CCDC92: variants seen among roughly 807,000 people sequenced by gnomAD.
CCDC92 encodes coiled-coil domain containing 92, also known as coiled-coil domain-containing protein 92.
CCDC92 carries 12 observed loss-of-function variants against 24.9 expected under a neutral mutation model. The observed-to-expected ratio is 0.48, with a 90% confidence interval of 0.31 to 0.78. The LOEUF (loss-of-function observed/expected upper bound fraction) is 0.78. CCDC92 is among the 30% of genes least tolerant of loss of function. CCDC92 has a pLI of 0.05. For missense variants in CCDC92, 399 were observed against 439.4 expected, an observed-to-expected ratio of 0.91 and a Z score of 0.82; for synonymous variants, 193 against 196.3, an observed-to-expected ratio of 0.98 and a Z score of 0.14.
At chr12:123,954,140 CAT>C (rs1956095583) in intron 1 of CCDC92, among the ~76,000 whole-genome samples, 1 of 152,012 alleles carries the variant, frequency 6.6e-6, no homozygotes, top group South Asian at 2.1e-4. Context: ...AAAGTAGTAT[CAT>C]ATGTTTTAAT....
At chr12:123,940,652 T>C (rs960980699) in intron 4 of CCDC92, among the ~76,000 whole-genome samples, 14 of 152,324 alleles carry the variant, frequency 9.2e-5, no homozygotes, top group Non-Finnish European at 1.8e-4. Flanking sequence ...AGTCTTCCCA[T>C]GAAAGCTTGG....
intron 1 of CCDC92, among the ~76,000 whole-genome samples, chr12:123,971,193 A>G (rs2138251434): frequency 6.6e-6 from 1 of 152,372 alleles, no homozygotes; most frequent in African/African-American, 2.4e-5. Context: ...GGAGTAACAA[A>G]ACTATTTTAA....
At chr12:123,968,329 G>C (rs1956441125) in intron 1 of CCDC92, 1 of 152,160 alleles carries the variant, frequency 6.6e-6, no homozygotes, top group African/African-American at 2.4e-5. Context: ...ACTGTTTTCT[G>C]ATTAACAAAG....
chr12:123,963,304 C>T (rs1018367907), intron 1 of CCDC92, among the ~76,000 whole-genome samples: 1 of 152,208 alleles, frequency 6.6e-6, no homozygotes, highest in Non-Finnish European at 1.5e-5. Context: ...GTAAACGCAG[C>T]GTATGGCACT....
chr12:123,937,726 C>T lies in CCDC92; in HGVS notation c.328G>A (p.Glu110Lys). The change falls in exon 5 of 5, where the codon GAG becomes AAG. Residue 110 changes from glutamate to lysine, a missense_variant. Coordinates refer to ENST00000238156, the MANE Select transcript of CCDC92 (RefSeq NM_025140.3). The surrounding 1 kb of genome is among the most constrained non-coding windows in gnomAD (Gnocchi z 8.4). ...NENAELLKELEQKNAMITVLE... is the reference protein window; with the variant it reads ...NENAELLKELKQKNAMITVLE... Reference sequence around the variant, plus strand: ...ACTGTGATCATCGCGTTTTTCTGCTCCAGTTCTTTCAACAACTCAGCATTT... The same window carrying T: ...ACTGTGATCATCGCGTTTTTCTGCTTCAGTTCTTTCAACAACTCAGCATTT... 1 of 1,614,140 alleles carries T rather than the reference C, an allele frequency of 6.2e-7. No homozygotes were observed. The highest frequency in any genetic ancestry group is 1.1e-5 in the South Asian group (1 of 91,086).
Position 123,937,144 on chromosome 12 carries a change from G to T in CCDC92, c.910C>A (p.Gln304Lys). Residue 304 changes from glutamine to lysine, a missense_variant, in exon 5 of 5, where the codon CAG becomes AAG. Transcript: ENST00000238156. This position sits in a 1 kb window ranked among gnomAD's most constrained non-coding sequence, Gnocchi z 8.4. ...RIHHATPPQA[Q>K]PEVKTLAVDQ... is the part of the protein sequence containing the mutation. Reference sequence around the variant, plus strand: ...ACCGCCAGGGTCTTCACCTCGGGCTGGGCCTGCGGCGGGGTGGCGTGGTGG... The same window carrying T: ...ACCGCCAGGGTCTTCACCTCGGGCTTGGCCTGCGGCGGGGTGGCGTGGTGG... 1 of 1,612,944 alleles carries T rather than the reference G, an allele frequency of 6.2e-7. No homozygotes were observed.
chr12:123,969,499 T>TC (rs1956474504), intron 1 of CCDC92, among the ~76,000 whole-genome samples: 1 of 128,038 alleles, frequency 7.8e-6, no homozygotes, highest in African/African-American at 3.0e-5. Context: ...AGACGGAGTC[T>TC]CCATCTGTTG....
intron 4 of CCDC92, among the ~76,000 whole-genome samples, chr12:123,939,440 A>G (rs1474370731): frequency 1.3e-5 from 2 of 152,212 alleles, no homozygotes; most frequent in African/African-American, 4.8e-5. Flanking sequence ...GCATGGGGTC[A>G]TGTCCCGAAA....
intron 2 of CCDC92, 192 bp from the exon 3 acceptor site, chr12:123,943,685 C>T (rs1955760854): frequency 1.1e-5 from 7 of 639,434 alleles, no homozygotes; most frequent in East Asian, 2.7e-5. Flanking sequence ...AGGCCAGGGA[C>T]GGCAGCCTCT....
intron 4 of CCDC92, among the ~76,000 whole-genome samples, chr12:123,941,748 C>A (rs1955691958): frequency 6.6e-6 from 1 of 152,242 alleles, no homozygotes; most frequent in Admixed American, 6.5e-5. Context: ...ACTCTCCTGA[C>A]CCTCTCATGA....
At chr12:123,948,300 T>C (rs1955934698) in intron 1 of CCDC92, among the ~76,000 whole-genome samples, 1 of 152,238 alleles carries the variant, frequency 6.6e-6, no homozygotes, top group South Asian at 2.1e-4. Context: ...ATCTCTATCA[T>C]AGTGTGGTAT....
At position 123,943,686 on chromosome 12, in the gene CCDC92, G is replaced by A. The variant is rs1024597549; in HGVS notation, c.35-193C>T. The A allele has an allele frequency of 1.3e-4, 80 of 635,004 alleles. 2 individuals carry two copies. The highest frequency in any genetic ancestry group is 1.2e-3 in the South Asian group (62 of 51,862). The allele number at this position is 635,004 out of a possible 1,614,324, so 39.3% of individuals were successfully genotyped here. On this transcript the variant is annotated intron_variant, in intron 2 of 4. Coordinates refer to ENST00000238156, the MANE Select transcript of CCDC92 (RefSeq NM_025140.3). ...TGCAGGGAGGCCCCAGGCCAGGGAC[G>A]GCAGCCTCTGCTTCCCGAACGCCTT...
intron 1 of CCDC92, among the ~76,000 whole-genome samples, chr12:123,948,216 G>A (rs543740854): frequency 2.6e-5 from 4 of 152,362 alleles, no homozygotes; most frequent in South Asian, 4.1e-4. Flanking sequence ...GTGCCTATAT[G>A]TAGATGTCAG....
chr12:123,937,270 G>C lies in CCDC92; in HGVS notation c.784C>G (p.Pro262Ala), dbSNP rs1400014090. 1 of 1,612,096 alleles carries C rather than the reference G, an allele frequency of 6.2e-7. No individual in the cohort carries two copies. Among genetic ancestry groups the C allele is most frequent in the African/African-American group, 1.3e-5 (1 of 74,942 alleles). Residue 262 changes from proline (P) to alanine (A), a missense_variant, in exon 5 of 5, where the codon CCC becomes GCC. Coordinates refer to ENST00000238156, the MANE Select transcript of CCDC92 (RefSeq NM_025140.3). The surrounding 1 kb of genome is among the most constrained non-coding windows in gnomAD (Gnocchi z 8.4). ...GAGGCGATGGGGGGGATGACGAGGG[G>C]CCTCTCTTTGATGAGGTGGACCTCG... ...SAEVHLIKER[P>A]LVIPPIASDR...
chr12:123,957,995 G>A (rs149072212), intron 1 of CCDC92, among the ~76,000 whole-genome samples: 1 of 151,812 alleles, frequency 6.6e-6, no homozygotes, highest in East Asian at 1.9e-4. Context: ...CACCACTCTC[G>A]GCCTATTACT....
At position 123,972,692 on chromosome 12, in the gene CCDC92, T is replaced by C. The variant is rs1351902615; in HGVS notation, c.-223A>G. 6.2e-5 allele frequency: 9 copies of C among 144,702 alleles called. No individual in the cohort carries two copies. In the South Asian group the frequency reaches 1.9e-3, roughly 31 times the overall value. The allele number at this position is 144,702 out of a possible 1,614,324, so 9.0% of individuals were successfully genotyped here. A position where few individuals can be genotyped will look rare whatever the true frequency, so the allele number is the denominator to read the frequency against. On this transcript the variant is annotated 5_prime_UTR_variant, in exon 1 of 5. Transcript: ENST00000238156. ...GGGCCGGGCCGCCGAGGGAGGTCAG[T>C]GGGCACCGCCCGCCCGGCGCATCTC...
At chr12:123,966,440 CTTT>C (rs1956394848) in intron 1 of CCDC92, 1 of 152,194 alleles carries the variant, frequency 6.6e-6, no homozygotes, top group Non-Finnish European at 1.5e-5. Context: ...AAGCTGTGTT[CTTT>C]TGAGAAATAG....
intron 1 of CCDC92, among the ~76,000 whole-genome samples, chr12:123,947,950 G>A (rs1186307987): frequency 3.3e-5 from 5 of 152,180 alleles, no homozygotes; most frequent in South Asian, 4.2e-4. Context: ...CAGTGAGACC[G>A]CGAACCCACC....
At chr12:123,946,022 A>ATCCCCCGCCATCCATT (rs1955851433) in intron 1 of CCDC92, 1 of 158,346 alleles carries the variant, frequency 6.3e-6, no homozygotes. Flanking sequence ...TCTTGCTGGC[A>ATCCCCCGCCATCCATT]TCCTGCTTTG....
Sources: allele counts gnomAD v4.1 joint callset (sites outside exome capture counted in the v4.1 genomes callset), GRCh38; gene constraint gnomAD v4.1.1; non-coding constraint Gnocchi (gnomAD v3.1); transcripts MANE v1.5; gene names NCBI Gene and HGNC (gene_info 2026-07-23, HGNC 2026-07-21).